Variants in PDE4D observed in about 807,000 individuals in gnomAD.
The protein encoded by PDE4D is phosphodiesterase 4D, also known as 3',5'-cyclic-AMP phosphodiesterase 4D.
PDE4D carries 24 observed loss-of-function variants against 87.4 expected under a neutral mutation model. The ratio of observed to expected loss-of-function variants is 0.27; its 90% CI spans 0.20 to 0.39. The LOEUF (loss-of-function observed/expected upper bound fraction) is 0.39. Among genes scored for constraint, PDE4D ranks in the 10% least tolerant of loss-of-function variants. The probability of loss-of-function intolerance (pLI) is 1.00; values close to 1 mark genes in which losing one functional copy is unlikely to be tolerated. For missense variants in PDE4D, 714 were observed against 1,041.0 expected, an observed-to-expected ratio of 0.69 and a Z score of 4.32; for synonymous variants, 384 against 383.2, an observed-to-expected ratio of 1.00 and a Z score of -0.02.
intron 5 of PDE4D, among the ~76,000 whole-genome samples, chr5:59,135,935 G>T (rs1172444804): frequency 1.3e-5 from 2 of 151,846 alleles, no homozygotes; most frequent in Non-Finnish European, 2.9e-5. Flanking sequence ...TGCACCGAAT[G>T]CCAGGAAAAA....
intron 1 of PDE4D, among the ~76,000 whole-genome samples, chr5:59,533,821 C>T (rs1205160264): frequency 1.3e-5 from 2 of 152,036 alleles, no homozygotes; most frequent in Non-Finnish European, 2.9e-5. Flanking sequence ...TTAGTGGATG[C>T]CCTTTTACTT....
At chr5:60,182,762 C>T (rs1414425535) in intron 2 of PDE4D, among the ~76,000 whole-genome samples, 1 of 152,130 alleles carries the variant, frequency 6.6e-6, no homozygotes, top group African/African-American at 2.4e-5. Context: ...CACGTGTAGT[C>T]CCTGCTACTC....
At chr5:59,096,073 T>C (rs1034688271) in intron 5 of PDE4D, among the ~76,000 whole-genome samples, 1 of 152,038 alleles carries the variant, frequency 6.6e-6, no homozygotes, top group Non-Finnish European at 1.5e-5. Context: ...TCAAAGGAGA[T>C]GGGGGAATCT....
rs554276257 is a variant in PDE4D at position 60,049,133 on chromosome 5, T to C, written c.43-60416A>G. Among the ~76,000 whole-genome samples, 4 of 152,324 alleles carry C rather than the reference T, an allele frequency of 2.6e-5. No individual in the cohort carries two copies. The East Asian group carries it at 5.8e-4, about 22-fold the overall frequency. ...CATTCATTTCATCTTCCATCGCTGA[T>C]ACCTTTTCTTCCAGTTGATTGCATC... On this transcript the variant is annotated intron_variant, in intron 2 of 16. Coordinates refer to the PDE4D transcript ENST00000502484.
In PDE4D at chr5:60,156,032, C is replaced by A. The variant is rs966026801; in HGVS notation, c.42+29525G>T. 4.6e-5 allele frequency among the ~76,000 whole-genome samples: 7 copies of A among 152,248 alleles called. No individual in the cohort carries two copies. The East Asian group carries it at 9.7e-4, about 21-fold the overall frequency. ...AGGTACCAGGGTTGCAGGGCCAAAG[C>A]CAGAAGTGGAAATGTGTCTAACAAT... On this transcript the variant is annotated intron_variant, in intron 2 of 16. Transcript: ENST00000502484.
At chr5:59,052,891 A>G (rs1027973836) in intron 5 of PDE4D, among the ~76,000 whole-genome samples, 18 of 152,278 alleles carry the variant, frequency 1.2e-4, no homozygotes, top group African/African-American at 4.3e-4. Context: ...AAAACTTGTA[A>G]TTATCATCTA....
intron 1 of PDE4D, among the ~76,000 whole-genome samples, chr5:60,516,464 T>C (rs1379962765): frequency 6.6e-6 from 1 of 152,140 alleles, no homozygotes; most frequent in African/African-American, 2.4e-5. Flanking sequence ...TGCTCTCCCA[T>C]CTCTCTGGTT....
intron 1 of PDE4D, among the ~76,000 whole-genome samples, chr5:60,355,503 G>T (rs73759045): frequency 0.011 from 1,608 of 152,186 alleles, 21 homozygotes; most frequent in African/African-American, 0.037. Flanking sequence ...CAGGAATAGA[G>T]AATCTTTCCA....
intron 1 of PDE4D, among the ~76,000 whole-genome samples, chr5:59,260,817 G>T (rs1476530301): frequency 6.6e-6 from 1 of 151,240 alleles, no homozygotes; most frequent in Non-Finnish European, 1.5e-5. Context: ...AATTAATTTA[G>T]AATTCAATTA....
chr5:60,321,474 C>T (rs948334806), intron 1 of PDE4D, among the ~76,000 whole-genome samples: 1 of 152,174 alleles, frequency 6.6e-6, no homozygotes, highest in Non-Finnish European at 1.5e-5. Flanking sequence ...CCATTCTGGA[C>T]TTTGGTCTTG....
intron 1 of PDE4D, among the ~76,000 whole-genome samples, chr5:60,283,064 A>ATT (rs931836709): frequency 6.6e-6 from 1 of 151,992 alleles, no homozygotes; most frequent in Admixed American, 6.6e-5. Context: ...ATCTTTACTG[A>ATT]TTTTCTGTCT....
intron 1 of PDE4D, among the ~76,000 whole-genome samples, chr5:60,286,065 A>C (rs1393212331): frequency 1.3e-5 from 2 of 152,222 alleles, no homozygotes; most frequent in African/African-American, 2.4e-5. Context: ...TCAGGCAAAC[A>C]GGACGCCCGT....
At position 59,799,548 on chromosome 5, in the gene PDE4D, G is replaced by T. The variant is rs151133911; in HGVS notation, c.455+93620C>A. ...GGTTTTGGAAGAATCAGCAGTCATG[G>T]GGGGGCAGGAAATGGTTATAAGTGA... is the stretch of plus-strand genomic sequence containing the variant. On this transcript the variant is annotated intron_variant, in intron 1 of 14. Transcript: ENST00000340635. 7.4e-3 allele frequency among the ~76,000 whole-genome samples: 1,124 copies of T among 152,252 alleles called. 14 individuals carry two copies. Among genetic ancestry groups the T allele is most frequent in the South Asian group, 0.048 (230 of 4,818 alleles).
intron 2 of PDE4D, among the ~76,000 whole-genome samples, chr5:60,088,076 C>A (rs2152908633): frequency 1.3e-5 from 2 of 151,846 alleles, no homozygotes; most frequent in Admixed American, 1.3e-4. Flanking sequence ...CTTAGCAGAC[C>A]AAAAGAAGTG....
At chr5:59,451,490 A>G (rs1271942941) in intron 1 of PDE4D, among the ~76,000 whole-genome samples, 3 of 152,212 alleles carry the variant, frequency 2.0e-5, no homozygotes, top group Non-Finnish European at 4.4e-5. Flanking sequence ...GATAACCGAC[A>G]TATACCTGAA....
chr5:60,403,602 T>A (rs1741274310), intron 1 of PDE4D, among the ~76,000 whole-genome samples: 1 of 152,168 alleles, frequency 6.6e-6, no homozygotes, highest in African/African-American at 2.4e-5. Flanking sequence ...ATCACAACAA[T>A]CACATGAAGC....
chr5:60,047,223 T>C (rs1481845652), intron 2 of PDE4D, among the ~76,000 whole-genome samples: 1 of 152,240 alleles, frequency 6.6e-6, no homozygotes, highest in African/African-American at 2.4e-5. Context: ...ATCCCCTTTA[T>C]CATTTTTTAT....
intron 1 of PDE4D, among the ~76,000 whole-genome samples, chr5:59,308,748 G>C (rs1771946589): frequency 6.6e-6 from 1 of 152,042 alleles, no homozygotes; most frequent in South Asian, 2.1e-4. Context: ...CTCCTGCCAG[G>C]AGGTGTTGCC....
At chr5:59,053,628 A>G (rs1351031408) in intron 5 of PDE4D, among the ~76,000 whole-genome samples, 4 of 144,688 alleles carry the variant, frequency 2.8e-5, no homozygotes, top group African/African-American at 1.0e-4. Flanking sequence ...TTTATGAATT[A>G]AGTTGTTTTG....
Sources: allele counts gnomAD v4.1 joint callset (sites outside exome capture counted in the v4.1 genomes callset), GRCh38; gene constraint gnomAD v4.1.1; transcripts MANE v1.5; gene names NCBI Gene and HGNC (gene_info 2026-07-23, HGNC 2026-07-21).